Variants in F2R observed in about 807,000 individuals in gnomAD.
F2R encodes coagulation factor II thrombin receptor.
A neutral mutation model predicts 18.3 loss-of-function variants in F2R; 12 were observed. The ratio of observed to expected loss-of-function variants is 0.66; its 90% CI spans 0.42 to 1.06. The LOEUF (loss-of-function observed/expected upper bound fraction) is 1.06, where lower values mean the gene tolerates loss of function less well. Among genes scored for constraint, F2R ranks in the 50% least tolerant of loss-of-function variants. The pLI is 0.00. For synonymous variants in F2R, 210 were observed against 219.9 expected (o/e 0.95, Z 0.40); for missense variants, 438 against 530.8 (o/e 0.83, Z 1.72).
Position 76,733,311 on chromosome 5 carries a change from A to G in F2R, c.1086A>G (p.Ile362Met). ...TCCTCTGTGTCTGTGTCAGCAGCAT[A>G]AGCTGCTGCATCGACCCCCTAATTT... The part of the protein sequence containing the change: ...AYLLCVCVSS[I>M]SCCIDPLIYY... Residue 362 changes from isoleucine to methionine, a missense_variant, in exon 2 of 2, where the codon ATA (isoleucine) becomes ATG (methionine). Coordinates refer to ENST00000319211, the MANE Select transcript of F2R (RefSeq NM_001992.5). The G allele has an allele frequency of 6.2e-7, 1 of 1,614,198 alleles. No homozygotes were observed. Among genetic ancestry groups the G allele is most frequent in the South Asian group, 1.1e-5 (1 of 91,086 alleles).
At chr5:76,726,568 G>A (rs1268222364) in intron 1 of F2R, among the ~76,000 whole-genome samples, 1 of 152,000 alleles carries the variant, frequency 6.6e-6, no homozygotes, top group Non-Finnish European at 1.5e-5. Flanking sequence ...GGGCATGGCG[G>A]TGCGTGCTTG....
intron 1 of F2R, among the ~76,000 whole-genome samples, chr5:76,725,994 T>C (rs1190451091): frequency 1.3e-5 from 2 of 152,250 alleles, no homozygotes; most frequent in African/African-American, 4.8e-5. Flanking sequence ...TTGATTCATG[T>C]ATGTAAGTAT....
rs538594402 is a variant in F2R at position 76,718,027 on chromosome 5, G to C, written c.88+1632G>C. Among the ~76,000 whole-genome samples, 3 of 152,300 alleles carry C rather than the reference G, an allele frequency of 2.0e-5. No individual in the cohort carries two copies. In the East Asian group the frequency reaches 5.8e-4, roughly 29 times the overall value. On this transcript the variant is annotated intron_variant, in intron 1 of 1. Coordinates refer to ENST00000319211, the MANE Select transcript of F2R (RefSeq NM_001992.5). The stretch of plus-strand genomic sequence containing the variant: ...ACCACTTTGGGAGGGAAAGAAGAAA[G>C]GAGTATGATAGAGGAAAAGGAGCGC...
At chr5:76,722,581 AC>A (rs1314788241) in intron 1 of F2R, among the ~76,000 whole-genome samples, 2 of 152,178 alleles carry the variant, frequency 1.3e-5, no homozygotes, top group Non-Finnish European at 2.9e-5. Flanking sequence ...CCAGAGGAGT[AC>A]CTGCTCCAGG....
In F2R at chr5:76,732,340, G is replaced by T. The variant is rs750783349; in HGVS notation, c.115G>T (p.Asp39Tyr). 6.2e-7 allele frequency: 1 copy of T among 1,605,722 alleles called. No homozygotes were observed. Among genetic ancestry groups the T allele is most frequent in the South Asian group, 1.1e-5 (1 of 88,580 alleles). The change falls in exon 2 of 2, where the codon GAT (aspartate) becomes TAT (tyrosine). Residue 39 changes from aspartate (D) to tyrosine (Y), a missense_variant. Asp to Tyr is a radical substitution (Grantham distance 160, BLOSUM62 -3). Coordinates refer to ENST00000319211, the MANE Select transcript of F2R (RefSeq NM_001992.5). Reference sequence around the variant, plus strand: ...ATCAAAAGCAACAAATGCCACCTTAGATCCCCGGTCATTTCTTCTCAGGAA... The same window carrying T: ...ATCAAAAGCAACAAATGCCACCTTATATCCCCGGTCATTTCTTCTCAGGAA... ...PESKATNATL[D>Y]PRSFLLRNPN... is the part of the protein sequence containing the mutation.
In F2R at chr5:76,732,498, T is replaced by C; in HGVS notation, c.273T>C (p.Asp91=). 2 of 1,614,196 alleles carry C rather than the reference T, an allele frequency of 1.2e-6. No individual in the cohort carries two copies. The highest frequency in any genetic ancestry group is 1.7e-6 in the Non-Finnish European group (2 of 1,180,034). The change falls in exon 2 of 2, where the codon GAT becomes GAC. Residue 91 remains aspartate, a synonymous_variant. Transcript: ENST00000319211. ...QKQLPAFISE[D]ASGYLTSSWL... ...AACTTCCTGCATTCATCTCAGAAGA[T>C]GCCTCCGGATATTTGACCAGCTCCT...
rs1748771203 is a variant in F2R, at chr5:76,735,722, A to G, written c.*2219A>G. 6.6e-6 allele frequency: 1 copy of G among 152,158 alleles called. No homozygotes were observed. The highest frequency in any genetic ancestry group is 1.5e-5 in the Non-Finnish European group (1 of 68,012). The allele number at this position is 152,158 out of a possible 1,614,324, so 9.4% of individuals were successfully genotyped here. A position where few individuals can be genotyped will look rare whatever the true frequency, so the allele number is the denominator to read the frequency against. On this transcript the variant is annotated 3_prime_UTR_variant, in exon 2 of 2. Transcript: ENST00000319211. ...ATAGTATGTCACTGTTTTTATGTTC[A>G]TTCTTAAAAACATAACCTGTATTAA...
Position 76,733,657 on chromosome 5 carries a change from T to C in F2R, c.*154T>C, listed in dbSNP as rs1748727629. ...CTTTTTATGGGAGCTGTCAAGCATG[T>C]ATTTTTGTCAATTACCAGAAAGATA... On this transcript the variant is annotated 3_prime_UTR_variant, in exon 2 of 2. Coordinates refer to ENST00000319211, the MANE Select transcript of F2R (RefSeq NM_001992.5). 3 of 626,320 alleles carry C rather than the reference T, an allele frequency of 4.8e-6. No individual in the cohort carries two copies. The highest frequency in any genetic ancestry group is 4.2e-5 in the South Asian group (2 of 47,156). 38.8% of individuals were successfully genotyped at this position (626,320 alleles called of 1,614,324 possible).
chr5:76,723,164 C>G (rs1748498231), intron 1 of F2R, among the ~76,000 whole-genome samples: 1 of 152,158 alleles, frequency 6.6e-6, no homozygotes, highest in African/African-American at 2.4e-5. Flanking sequence ...GTCAGTAGGA[C>G]TCCAGAATTC....
rs540653132 is a variant in F2R, at chr5:76,731,799, A to G, written c.89-515A>G. 1.0e-3 allele frequency among the ~76,000 whole-genome samples: 159 copies of G among 152,264 alleles called. 1 individual carries two copies. Among genetic ancestry groups the G allele is most frequent in the African/African-American group, 3.6e-3 (148 of 41,564 alleles). ...CACCTCGGACTCCCAAAGTGCTGGG[A>G]TTACAGACGTGACCCACTGTGCCCA... On this transcript the variant is annotated intron_variant, in intron 1 of 1. Coordinates refer to ENST00000319211, the MANE Select transcript of F2R (RefSeq NM_001992.5).
chr5:76,716,250 G>T lies in F2R; in HGVS notation c.-58G>T. ...CGCAGAAGTCAGGAGAGAGGGTGAA[G>T]CGGAGCAGCCCGAGGCGGGGCAGCC... On this transcript the variant is annotated 5_prime_UTR_variant, in exon 1 of 2. Transcript: ENST00000319211. The T allele has an allele frequency of 7.7e-7, 1 of 1,292,506 alleles. No individual in the cohort carries two copies. Among genetic ancestry groups the T allele is most frequent in the Non-Finnish European group, 9.9e-7 (1 of 1,011,728 alleles). The allele number at this position is 1,292,506 out of a possible 1,614,324, so 80.1% of individuals were successfully genotyped here.
rs1748768035 is a variant in F2R at position 76,735,555 on chromosome 5, A to G, written c.*2052A>G. ...CCATAGAATAACTTACATAAAAGTA[A>G]TATAACTGTATTGTAAGTAGAAGCT... On this transcript the variant is annotated 3_prime_UTR_variant, in exon 2 of 2. Transcript: ENST00000319211. 6.6e-6 allele frequency: 1 copy of G among 152,230 alleles called. No homozygotes were observed. Among genetic ancestry groups the G allele is most frequent in the Admixed American group, 6.5e-5 (1 of 15,282 alleles). The allele number at this position is 152,230 out of a possible 1,614,324, so 9.4% of individuals were successfully genotyped here. A position where few individuals can be genotyped will look rare whatever the true frequency, so the allele number is the denominator to read the frequency against.
At chr5:76,732,259 C>A in intron 1 of F2R, 55 bp from the exon 2 acceptor site, 1 of 1,377,882 alleles carries the variant, frequency 7.3e-7, no homozygotes, top group Non-Finnish European at 9.8e-7. Context: ...GTCGCTTTTG[C>A]CTTGTTGATG....
At chr5:76,727,872 T>C (rs1748598869) in intron 1 of F2R, among the ~76,000 whole-genome samples, 1 of 151,150 alleles carries the variant, frequency 6.6e-6, no homozygotes, top group Non-Finnish European at 1.5e-5. Flanking sequence ...GTCTTTTTAC[T>C]TAAGACTGGG....
At chr5:76,720,270 T>C (rs1347200372) in intron 1 of F2R, among the ~76,000 whole-genome samples, 1 of 151,926 alleles carries the variant, frequency 6.6e-6, no homozygotes. Context: ...ACCCCATCTC[T>C]ATTAAAAAAA....
chr5:76,730,354 T>C (rs1580893928), intron 1 of F2R, among the ~76,000 whole-genome samples: 1 of 152,342 alleles, frequency 6.6e-6, no homozygotes, highest in East Asian at 1.9e-4. Flanking sequence ...TTCCAGTGAC[T>C]GTGATTGCCC....
intron 1 of F2R, among the ~76,000 whole-genome samples, chr5:76,728,981 G>A (rs563952992): frequency 7.9e-5 from 12 of 152,276 alleles, no homozygotes; most frequent in African/African-American, 1.9e-4. Context: ...GTGAGCCACC[G>A]TGCCCAGCCA....
At chr5:76,727,218 G>A (rs1047658888) in intron 1 of F2R, among the ~76,000 whole-genome samples, 4 of 152,166 alleles carry the variant, frequency 2.6e-5, no homozygotes, top group Admixed American at 6.5e-5. Context: ...CTGCTTAATC[G>A]TTATGGTTTC....
chr5:76,727,513 A>G (rs917534571), intron 1 of F2R, among the ~76,000 whole-genome samples: 1 of 152,150 alleles, frequency 6.6e-6, no homozygotes, highest in Non-Finnish European at 1.5e-5. Flanking sequence ...CTTCCCTGTG[A>G]CAGATCTCCT....
Sources: allele counts gnomAD v4.1 joint callset (sites outside exome capture counted in the v4.1 genomes callset), GRCh38; gene constraint gnomAD v4.1.1; transcripts MANE v1.5; gene names NCBI Gene and HGNC (gene_info 2026-07-23, HGNC 2026-07-21).